PRKN: variants seen among roughly 807,000 people sequenced by gnomAD.
PRKN encodes parkin RBR E3 ubiquitin protein ligase.
In PRKN, 56 loss-of-function variants were observed where a neutral mutation model predicts 59.5. That is an observed-to-expected ratio of 0.94 (90% confidence interval 0.76 to 1.18). PRKN has a LOEUF of 1.18. Among genes scored for constraint, PRKN ranks in the 50% most tolerant of loss-of-function variants. The probability of loss-of-function intolerance (pLI) is 0.00; values close to 1 mark genes in which losing one functional copy is unlikely to be tolerated. For missense variants in PRKN, 657 were observed against 596.4 expected (o/e 1.10, Z -1.06); for synonymous variants, 250 against 222.1 (o/e 1.13, Z -1.12).
chr6:161,760,671 G>C (rs1789159640), intron 7 of PRKN, among the ~76,000 whole-genome samples: 1 of 152,250 alleles, frequency 6.6e-6, no homozygotes, highest in Non-Finnish European at 1.5e-5. Context: ...TTGCAAGCCT[G>C]AATTTTTGTG....
intron 9 of PRKN, among the ~76,000 whole-genome samples, chr6:161,501,233 CCCA>C (rs1369898046): frequency 1.3e-5 from 2 of 152,158 alleles, no homozygotes. Context: ...ATTTTGCATT[CCCA>C]CCAACAGTGA....
At chr6:161,907,935 G>C (rs761064943) in intron 6 of PRKN, among the ~76,000 whole-genome samples, 2 of 151,994 alleles carry the variant, frequency 1.3e-5, no homozygotes, top group African/African-American at 4.8e-5. Context: ...AAAATTAGCC[G>C]GGTGTGGGGG....
chr6:162,439,137 C>T (rs1789928066), intron 2 of PRKN, among the ~76,000 whole-genome samples: 1 of 152,120 alleles, frequency 6.6e-6, no homozygotes, highest in African/African-American at 2.4e-5. Context: ...TCAGCCTTTA[C>T]TAGTGTTGGT....
At chr6:161,912,125 T>C (rs1317101415) in intron 6 of PRKN, among the ~76,000 whole-genome samples, 4 of 147,252 alleles carry the variant, frequency 2.7e-5, no homozygotes, top group African/African-American at 1.0e-4. Flanking sequence ...TTGCAGTGAG[T>C]GGAGATCACA....
chr6:162,315,173 CTGT>C (rs1782697394), intron 2 of PRKN, among the ~76,000 whole-genome samples: 1 of 152,100 alleles, frequency 6.6e-6, no homozygotes, highest in South Asian at 2.1e-4. Flanking sequence ...TAATTGTTCT[CTGT>C]TGTTATGGTT....
intron 1 of PRKN, among the ~76,000 whole-genome samples, chr6:162,669,587 G>A (rs1779244622): frequency 6.6e-6 from 1 of 152,104 alleles, no homozygotes; most frequent in Non-Finnish European, 1.5e-5. Context: ...CCACTTTTAT[G>A]TATACCAGTG....
intron 9 of PRKN, among the ~76,000 whole-genome samples, chr6:161,415,903 C>T (rs1011887092): frequency 1.5e-4 from 23 of 152,052 alleles, no homozygotes; most frequent in Non-Finnish European, 2.6e-4. Context: ...ATGCCGTGGG[C>T]TTTCATCCTG....
At chr6:162,556,216 G>A (rs540670806) in intron 1 of PRKN, among the ~76,000 whole-genome samples, 4 of 152,146 alleles carry the variant, frequency 2.6e-5, no homozygotes, top group Non-Finnish European at 5.9e-5. Flanking sequence ...TCTCAAACCT[G>A]TTGCACAAGA....
At position 161,692,711 on chromosome 6, in the gene PRKN, C is replaced by A. The variant is rs190679992; in HGVS notation, c.871+93061G>T. Among the ~76,000 whole-genome samples the A allele has an allele frequency of 7.2e-5, 11 of 152,214 alleles. No individual in the cohort carries two copies. In the East Asian group the frequency reaches 2.1e-3, roughly 29 times the overall value. On this transcript the variant is annotated intron_variant, in intron 7 of 11. Coordinates refer to ENST00000366898, the MANE Select transcript of PRKN (RefSeq NM_004562.3). Reference sequence around the variant, plus strand: ...TTTGAGGTCGAGAATTTGAGACCAGCCTGGCCAACATGTTGAAAGTGTGTC... The same window carrying A: ...TTTGAGGTCGAGAATTTGAGACCAGACTGGCCAACATGTTGAAAGTGTGTC...
In PRKN at chr6:161,363,385, C is replaced by T. The variant is rs941184634; in HGVS notation, c.1168-3180G>A. Among the ~76,000 whole-genome samples the T allele has an allele frequency of 2.0e-5, 3 of 152,096 alleles. No homozygotes were observed. Among genetic ancestry groups the T allele is most frequent in the Non-Finnish European group, 4.4e-5 (3 of 68,014 alleles). ...AAATTTCTTTGTTTTGTCCATTTTT[C>T]TGGACATGAAACACTAATAATTAAA... On this transcript the variant is annotated intron_variant, in intron 10 of 11. Transcript: ENST00000366898. The surrounding 1 kb of genome is among the most constrained non-coding windows in gnomAD (Gnocchi z 4.1).
chr6:162,549,560 C>T (rs1779250340), intron 1 of PRKN, among the ~76,000 whole-genome samples: 2 of 151,846 alleles, frequency 1.3e-5, no homozygotes, highest in Admixed American at 1.3e-4. Context: ...CGGATAAAAT[C>T]AGAGCCCTAC....
At chr6:162,618,293 T>C (rs1435651839) in intron 1 of PRKN, among the ~76,000 whole-genome samples, 1 of 152,166 alleles carries the variant, frequency 6.6e-6, no homozygotes, top group African/African-American at 2.4e-5. Context: ...GTGAGCTATC[T>C]GGCAACTGCC....
Position 162,031,363 on chromosome 6 carries a change from A to G in PRKN, c.618+22728T>C, listed in dbSNP as rs116156164. Among the ~76,000 whole-genome samples, 624 of 152,014 alleles carry G rather than the reference A, an allele frequency of 4.1e-3. 5 individuals are homozygous for G. Among genetic ancestry groups the G allele is most frequent in the African/African-American group, 0.013 (543 of 41,416 alleles). Reference sequence around the variant, plus strand: ...CTGTGGGTATGGAAGGTACTCGATCATTATTGGTTGAGCCCCATCCTCCAC... The same window carrying G: ...CTGTGGGTATGGAAGGTACTCGATCGTTATTGGTTGAGCCCCATCCTCCAC... On this transcript the variant is annotated intron_variant, in intron 5 of 11. Transcript: ENST00000366898.
At chr6:162,499,527 G>T (rs184319833) in intron 1 of PRKN, among the ~76,000 whole-genome samples, 113 of 152,280 alleles carry the variant, frequency 7.4e-4, no homozygotes, top group African/African-American at 2.6e-3. Context: ...ATTTACTGAC[G>T]ACTGAATAAA....
rs1004389876 is a variant in PRKN at position 161,503,611 on chromosome 6, C to A, written c.1083+45243G>T. ...TGGACTGAGGGGGCTATGGGGGCGA[C>A]CTAGTCTAGCTGGGTTCTAAGGCAG... On this transcript the variant is annotated intron_variant, in intron 9 of 11. Coordinates refer to ENST00000366898, the MANE Select transcript of PRKN (RefSeq NM_004562.3). This position sits in a 1 kb window ranked among gnomAD's most constrained non-coding sequence, Gnocchi z 5.1. 6.6e-6 allele frequency among the ~76,000 whole-genome samples: 1 copy of A among 152,156 alleles called. No homozygotes were observed. Among genetic ancestry groups the A allele is most frequent in the African/African-American group, 2.4e-5 (1 of 41,428 alleles).
Position 162,135,416 on chromosome 6 carries a change from A to G in PRKN, c.534+65715T>C, listed in dbSNP as rs1199248491. Among the ~76,000 whole-genome samples the G allele has an allele frequency of 2.0e-5, 3 of 152,364 alleles. No individual in the cohort carries two copies. In the East Asian group the frequency reaches 5.8e-4, roughly 29 times the overall value. ...ATGGAATCTGAGAAATTAGAACAAC[A>G]GTAAATTAGATCCTAGCTCTTCAGT... On this transcript the variant is annotated intron_variant, in intron 4 of 11. Transcript: ENST00000366898.
At chr6:162,135,831 C>A (rs1221732369) in intron 4 of PRKN, among the ~76,000 whole-genome samples, 2 of 152,082 alleles carry the variant, frequency 1.3e-5, no homozygotes, top group African/African-American at 4.8e-5. Flanking sequence ...AAGTAAGGGA[C>A]TCCTTGGGAT....
intron 7 of PRKN, among the ~76,000 whole-genome samples, chr6:161,778,984 G>A (rs893945472): frequency 1.3e-5 from 2 of 151,744 alleles, no homozygotes; most frequent in Admixed American, 1.3e-4. Context: ...TTGCTCTGTC[G>A]CCCAGGCTGG....
At chr6:161,671,431 T>G (rs750888074) in intron 7 of PRKN, among the ~76,000 whole-genome samples, 1 of 152,162 alleles carries the variant, frequency 6.6e-6, no homozygotes, top group Non-Finnish European at 1.5e-5. Context: ...GGCATGGAGC[T>G]TCTTTATTCT....
Sources: gnomAD v4.1 joint callset for allele counts (sites outside exome capture counted in the v4.1 genomes callset) on GRCh38, gnomAD v4.1.1 for gene constraint, Gnocchi (gnomAD v3.1) non-coding constraint, MANE v1.5 for transcripts, NCBI Gene and HGNC (gene_info 2026-07-23, HGNC 2026-07-21) for gene names.